TMCO5A: variants seen among roughly 807,000 people sequenced by gnomAD.
TMCO5A encodes transmembrane and coiled-coil domain-containing protein 5A.
Under a neutral mutation model 42.3 loss-of-function variants are expected in TMCO5A, and 34 were observed. The observed-to-expected ratio is 0.80, with a 90% CI of 0.61 to 1.07. The LOEUF (loss-of-function observed/expected upper bound fraction) is 1.07. Ranked by LOEUF, TMCO5A falls within the 50% of genes least tolerant of loss-of-function variation. TMCO5A has a pLI of 0.00. For synonymous variants in TMCO5A, 131 were observed against 115.6 expected, an observed-to-expected ratio of 1.13 and a Z score of -0.86; for missense variants, 357 against 327.9, an observed-to-expected ratio of 1.09 and a Z score of -0.69.
chr15:37,973,746 T>C, the TMCO5A span, among the ~76,000 whole-genome samples: 2 of 152,168 alleles, frequency 1.3e-5, no homozygotes, highest in African/African-American at 4.8e-5. Context: ...TTCCTATTTC[T>C]ATGTCTTTAG....
the TMCO5A span, among the ~76,000 whole-genome samples, chr15:37,982,727 AT>A: frequency 7.1e-6 from 1 of 141,530 alleles, no homozygotes; most frequent in Non-Finnish European, 1.5e-5. Flanking sequence ...ATAAATATCT[AT>A]AATATATAAA....
chr15:37,965,227 G>A (rs763437194), intron 11 of TMCO5A, among the ~76,000 whole-genome samples: 5 of 152,034 alleles, frequency 3.3e-5, no homozygotes, highest in Admixed American at 6.6e-5. Context: ...AAAATGAAAC[G>A]AAATCCCTGT....
At chr15:38,035,315 C>G in the TMCO5A span, among the ~76,000 whole-genome samples, 9 of 152,090 alleles carry the variant, frequency 5.9e-5, no homozygotes, top group African/African-American at 2.2e-4. Flanking sequence ...CTGTATGTAC[C>G]ATTTAACCAA....
chr15:37,970,482 T>C (rs1353078319), downstream of TMCO5A, among the ~76,000 whole-genome samples: 1 of 152,222 alleles, frequency 6.6e-6, no homozygotes, highest in Non-Finnish European at 1.5e-5. Flanking sequence ...CATATCATTC[T>C]GCCTCTGGCC....
chr15:37,954,011 T>C (rs997193788), downstream of TMCO5A, among the ~76,000 whole-genome samples: 1 of 151,210 alleles, frequency 6.6e-6, no homozygotes, highest in Non-Finnish European at 1.5e-5. Context: ...AAATACACAG[T>C]CAGAGGACAT....
downstream of TMCO5A, among the ~76,000 whole-genome samples, chr15:37,952,394 T>C (rs959325627): frequency 2.6e-5 from 4 of 152,048 alleles, no homozygotes; most frequent in African/African-American, 4.8e-5. Flanking sequence ...CACAGGAAGA[T>C]AGGGCACCAG....
chr15:38,006,252 G>A, the TMCO5A span, among the ~76,000 whole-genome samples: 1 of 152,214 alleles, frequency 6.6e-6, no homozygotes, highest in Admixed American at 6.5e-5. Flanking sequence ...TGGGACAGGA[G>A]AAACAGCTTA....
At chr15:38,034,594 C>G in the TMCO5A span, among the ~76,000 whole-genome samples, 1 of 152,198 alleles carries the variant, frequency 6.6e-6, no homozygotes, top group Non-Finnish European at 1.5e-5. Context: ...ACCCCCAGAG[C>G]TCTGTCCTTA....
chr15:37,941,150 T>A lies in TMCO5A; in HGVS notation c.389T>A (p.Val130Asp), dbSNP rs927992965. The A allele has an allele frequency of 1.2e-6, 2 of 1,613,198 alleles. No individual in the cohort carries two copies. Among genetic ancestry groups the A allele is most frequent in the African/African-American group, 2.7e-5 (2 of 74,980 alleles). Residue 130 changes from valine (V) to aspartate (D), a missense_variant and splice_region_variant, in exon 7 of 12, where the codon GTT becomes GAT. Transcript: ENST00000319669. ...AGCAGTCTCTTTTGCTTTCTTTAGGTTAAGTTACAACAGCTGGAAGCTTCC... is the reference window on the plus strand; with the variant it reads ...AGCAGTCTCTTTTGCTTTCTTTAGGATAAGTTACAACAGCTGGAAGCTTCC... ...SPDGALEETK[V>D]KLQQLEASYA... is the part of the protein sequence containing the mutation.
the TMCO5A span, among the ~76,000 whole-genome samples, chr15:38,009,643 C>A: frequency 6.6e-6 from 1 of 152,126 alleles, no homozygotes; most frequent in African/African-American, 2.4e-5. Flanking sequence ...TTAGCTTAAG[C>A]ATATAATGGG....
chr15:37,980,536 A>G, the TMCO5A span, among the ~76,000 whole-genome samples: 4 of 147,078 alleles, frequency 2.7e-5, no homozygotes, highest in Admixed American at 7.1e-5. Flanking sequence ...GTCCACCTGC[A>G]TGATCCAGTT....
chr15:37,992,577 C>A, the TMCO5A span, among the ~76,000 whole-genome samples: 3 of 152,036 alleles, frequency 2.0e-5, no homozygotes, highest in African/African-American at 4.8e-5. Context: ...TTCACAATAG[C>A]AAAGACATGG....
chr15:37,965,450 C>T (rs548000519), intron 11 of TMCO5A, among the ~76,000 whole-genome samples: 1 of 152,160 alleles, frequency 6.6e-6, no homozygotes, highest in South Asian at 2.1e-4. Flanking sequence ...GCAAATGAAA[C>T]AATCAACAAA....
chr15:37,992,226 G>A, the TMCO5A span, among the ~76,000 whole-genome samples: 13 of 152,114 alleles, frequency 8.5e-5, no homozygotes, highest in East Asian at 7.7e-4. Context: ...ACATACATGC[G>A]GCCAACAAGT....
the TMCO5A span, among the ~76,000 whole-genome samples, chr15:37,981,002 A>G: frequency 6.6e-6 from 1 of 152,156 alleles, no homozygotes; most frequent in African/African-American, 2.4e-5. Flanking sequence ...AAGCAGAATA[A>G]TGCTGAGAAA....
In TMCO5A at chr15:37,951,074, T is replaced by A. The variant is rs745915228; in HGVS notation, c.707T>A (p.Ile236Asn). 3.1e-6 allele frequency: 5 copies of A among 1,612,966 alleles called. No individual in the cohort carries two copies. The highest frequency in any genetic ancestry group is 2.2e-5 in the South Asian group (2 of 91,010). The change falls in exon 12 of 12, where the codon ATC (isoleucine) becomes AAC (asparagine). Residue 236 changes from isoleucine to asparagine, a missense_variant. Transcript: ENST00000319669. Reference sequence around the variant, plus strand: ...CTCTTTTTCATCACCCTATTTTTCATCAGACTGCTGAGCTACATGTTTTTT... The same window carrying A: ...CTCTTTTTCATCACCCTATTTTTCAACAGACTGCTGAGCTACATGTTTTTT... Reference protein sequence around the residue: ...CCLFFITLFFIRLLSYMFFHV... With the variant: ...CCLFFITLFFNRLLSYMFFHV...
exon 12 of TMCO5A, chr15:37,967,069 T>C (rs1890575574): frequency 5.8e-6 from 1 of 172,236 alleles, no homozygotes; most frequent in African/African-American, 2.4e-5. Flanking sequence ...ATTAAGACGG[T>C]GAAAGCTTCT....
chr15:37,966,922 T>A (rs912962182), exon 12 of TMCO5A: 6 of 472,360 alleles, frequency 1.3e-5, no homozygotes, highest in African/African-American at 5.9e-5. Flanking sequence ...CTATATGAAA[T>A]GCATTTCTCC....
At chr15:37,970,130 C>A (rs1890646964), downstream of TMCO5A, among the ~76,000 whole-genome samples, 1 of 152,178 alleles carries the variant, frequency 6.6e-6, no homozygotes, top group African/African-American at 2.4e-5. Context: ...AGCTAATTTA[C>A]AGTCTGTATT....
Sources: allele counts gnomAD v4.1 joint callset (sites outside exome capture counted in the v4.1 genomes callset), GRCh38; gene constraint gnomAD v4.1.1; transcripts MANE v1.5; gene names NCBI Gene and HGNC (gene_info 2026-07-23, HGNC 2026-07-21).